The following KLHL42 variants were observed in gnomAD, a reference collection of about 807,000 sequenced individuals.
KLHL42 encodes kelch-like protein 42.
Under a neutral mutation model 32.7 loss-of-function variants are expected in KLHL42, and 27 were observed. The ratio of observed to expected loss-of-function variants is 0.83; its 90% CI spans 0.61 to 1.14. KLHL42 has a LOEUF of 1.14. KLHL42 is among the 50% of genes most tolerant of loss of function. KLHL42 has a pLI of 0.00. For missense variants in KLHL42, 491 were observed against 560.8 expected (o/e 0.88, Z 1.26); for synonymous variants, 267 against 248.2 (o/e 1.08, Z -0.71).
intron 1 of KLHL42, 90 bp from the exon 2 acceptor site, chr12:27,791,618 T>C: frequency 8.9e-7 from 1 of 1,124,832 alleles, no homozygotes; most frequent in Non-Finnish European, 1.3e-6. Context: ...TTTCTTCAGA[T>C]GTTCAGGAGA....
At chr12:27,792,336 A>C (rs765089949) in intron 2 of KLHL42, among the ~76,000 whole-genome samples, 1 of 152,012 alleles carries the variant, frequency 6.6e-6, no homozygotes, top group Non-Finnish European at 1.5e-5. Context: ...GGAATTTAGT[A>C]CCAGAGCATC....
intron 2 of KLHL42, among the ~76,000 whole-genome samples, chr12:27,796,801 A>T (rs1209897673): frequency 6.6e-6 from 1 of 151,892 alleles, no homozygotes; most frequent in African/African-American, 2.4e-5. Flanking sequence ...ATGCCTGGCT[A>T]ATTTTTTATT....
At position 27,791,884 on chromosome 12, in the gene KLHL42, G is replaced by T; in HGVS notation, c.1049G>T (p.Gly350Val). 1 of 1,614,054 alleles carries T rather than the reference G, an allele frequency of 6.2e-7. No individual in the cohort carries two copies. Among genetic ancestry groups the T allele is most frequent in the Non-Finnish European group, 8.5e-7 (1 of 1,180,012 alleles). The change falls in exon 2 of 3, where the codon GGA (glycine) becomes GTA (valine). Residue 350 changes from glycine to valine, a missense_variant. Gly to Val is a moderately radical substitution (Grantham distance 109, BLOSUM62 -3). Around this residue, in one of 4 missense-constraint regions of KLHL42, gnomAD observed 152 missense variants for 125.9 expected, o/e 1.21. Transcript: ENST00000381271. ...TGTAAGGGAAAAATTTATGTCATTGGAGGATACACTACCAGAGGTAAGTGA... is the reference window on the plus strand; with the variant it reads ...TGTAAGGGAAAAATTTATGTCATTGTAGGATACACTACCAGAGGTAAGTGA... The part of the protein sequence containing the change: ...CECKGKIYVI[G>V]GYTTRDRNMN...
Position 27,799,007 on chromosome 12 carries a change from ACAC to A in KLHL42, c.*844_*846del, listed in dbSNP as rs2062232204. The A allele has an allele frequency of 6.6e-6, 1 of 152,596 alleles. No homozygotes were observed. Among genetic ancestry groups the A allele is most frequent in the African/African-American group, 2.4e-5 (1 of 41,426 alleles). The allele number at this position is 152,596 out of a possible 1,614,324, so 9.5% of individuals were successfully genotyped here. On this transcript the variant is annotated 3_prime_UTR_variant, in exon 3 of 3. Transcript: ENST00000381271. ...TAAATTTAAATGGGAAGGGAAGAAA[ACAC>A]CAAATAAGAAAAAAATTTGCCTTTA...
At chr12:27,784,212 G>T (rs4420310) in intron 1 of KLHL42, among the ~76,000 whole-genome samples, 2 of 147,472 alleles carry the variant, frequency 1.4e-5, no homozygotes, top group South Asian at 2.2e-4. Context: ...TCGGCTCACT[G>T]CAAGCTCCGC....
intron 2 of KLHL42, among the ~76,000 whole-genome samples, chr12:27,792,453 G>A (rs1030887581): frequency 1.3e-5 from 2 of 152,220 alleles, no homozygotes; most frequent in Non-Finnish European, 2.9e-5. Flanking sequence ...GGAGGAGCAA[G>A]GACATGAATA....
intron 2 of KLHL42, chr12:27,797,262 C>T (rs1487692284): frequency 2.2e-6 from 1 of 456,810 alleles, no homozygotes; most frequent in Non-Finnish European, 4.4e-6. Flanking sequence ...CTCTGGAGAT[C>T]CTGTGTTGCT....
intron 1 of KLHL42, among the ~76,000 whole-genome samples, chr12:27,787,311 G>A (rs1357129793): frequency 2.6e-5 from 4 of 151,648 alleles, no homozygotes; most frequent in Admixed American, 6.6e-5. Context: ...CCTGGCCAAC[G>A]TGGTGAAACC....
rs1257802853 is a variant in KLHL42 at position 27,801,517 on chromosome 12, T to C, written c.*3351T>C. ...TCACTCAAGAGGCAGCATAGCAATG[T>C]AAAAGGAATATAAGTAGGTGTTGGA... On this transcript the variant is annotated 3_prime_UTR_variant, in exon 3 of 3. Coordinates refer to ENST00000381271, the MANE Select transcript of KLHL42 (RefSeq NM_020782.2). 3 of 152,200 alleles carry C rather than the reference T, an allele frequency of 2.0e-5. No individual in the cohort carries two copies. The highest frequency in any genetic ancestry group is 4.4e-5 in the Non-Finnish European group (3 of 68,040). The allele number at this position is 152,200 out of a possible 1,614,324, so 9.4% of individuals were successfully genotyped here.
chr12:27,789,100 G>A (rs530990401), intron 1 of KLHL42, among the ~76,000 whole-genome samples: 25 of 152,258 alleles, frequency 1.6e-4, no homozygotes, highest in Non-Finnish European at 2.1e-4. Flanking sequence ...AGAAACCAAC[G>A]CTCCCAAGGT....
At chr12:27,783,049 G>C (rs2062155812) in intron 1 of KLHL42, among the ~76,000 whole-genome samples, 1 of 152,228 alleles carries the variant, frequency 6.6e-6, no homozygotes, top group Admixed American at 6.5e-5. Context: ...TATAACTTTT[G>C]ACTCTCCCAA....
Position 27,780,299 on chromosome 12 carries a change from C to CG in KLHL42, c.-30dup. ...CTGGGAGGCCGGCGCGCAGATCTGGCGGTGAGCGCTGCCGCCCCGGGGCCC... is the reference window on the plus strand; with the variant it reads ...CTGGGAGGCCGGCGCGCAGATCTGGCGGGTGAGCGCTGCCGCCCCGGGGCCC... On this transcript the variant is annotated 5_prime_UTR_variant, in exon 1 of 3. Coordinates refer to ENST00000381271, the MANE Select transcript of KLHL42 (RefSeq NM_020782.2). The surrounding 1 kb of genome is among the most constrained non-coding windows in gnomAD (Gnocchi z 8.8). 3 of 1,525,620 alleles carry CG rather than the reference C, an allele frequency of 2.0e-6. No individual in the cohort carries two copies. The highest frequency in any genetic ancestry group is 2.6e-6 in the Non-Finnish European group (3 of 1,140,278). The allele number at this position is 1,525,620 out of a possible 1,614,324, so 94.5% of individuals were successfully genotyped here.
Position 27,780,508 on chromosome 12 carries a change from C to T in KLHL42, c.178C>T (p.Pro60Ser). 6.5e-7 allele frequency: 1 copy of T among 1,540,944 alleles called. No homozygotes were observed. Among genetic ancestry groups the T allele is most frequent in the Non-Finnish European group, 8.7e-7 (1 of 1,145,906 alleles). ...GCAGCAGCTGCGCGGCCTCAGCGCG[C>T]CGGGCCTGCGGCTGGTGCTGGACTT... ...EVQQLRGLSA[P>S]GLRLVLDFIN... is the part of the protein sequence containing the mutation. Residue 60 changes from proline (P) to serine (S), a missense_variant, in exon 1 of 3, where the codon CCG (proline) becomes TCG (serine). Physicochemically the swap from Pro to Ser is moderately conservative, Grantham distance 74 (BLOSUM62 -1). Around this residue, in one of 4 missense-constraint regions of KLHL42, gnomAD observed 88 missense variants for 89.0 expected, o/e 0.99. Coordinates refer to ENST00000381271, the MANE Select transcript of KLHL42 (RefSeq NM_020782.2). The surrounding 1 kb of genome is among the most constrained non-coding windows in gnomAD (Gnocchi z 8.8).
intron 1 of KLHL42, 117 bp downstream of exon 1, chr12:27,781,319 A>T: frequency 8.2e-7 from 1 of 1,217,046 alleles, no homozygotes; most frequent in Non-Finnish European, 1.1e-6. Context: ...TGGAAATGAC[A>T]TCTTCAGGAA....
chr12:27,792,651 G>A (rs1384271421), intron 2 of KLHL42, among the ~76,000 whole-genome samples: 1 of 152,206 alleles, frequency 6.6e-6, no homozygotes, highest in East Asian at 1.9e-4. Context: ...AGCCCCCCAA[G>A]TAGCTGGGAT....
chr12:27,788,832 C>T (rs1235810639), intron 1 of KLHL42, among the ~76,000 whole-genome samples: 1 of 152,158 alleles, frequency 6.6e-6, no homozygotes, highest in Non-Finnish European at 1.5e-5. Flanking sequence ...AAGTATATAG[C>T]TATGATAGAT....
intron 1 of KLHL42, among the ~76,000 whole-genome samples, chr12:27,785,614 A>G (rs953251339): frequency 6.6e-6 from 1 of 151,814 alleles, no homozygotes; most frequent in Non-Finnish European, 1.5e-5. Context: ...TCCTTCCCGA[A>G]CTCTGGCTTG....
Position 27,800,353 on chromosome 12 carries a change from T to TGTGG in KLHL42, c.*2190_*2191insGGTG, listed in dbSNP as rs2062240535. ...TTGAGGTTGTGTGTGTGTGTGGGGG[T>TGTGG]GTGTGTGTGTGTGTGTGTGTATGTT... On this transcript the variant is annotated 3_prime_UTR_variant, in exon 3 of 3. Transcript: ENST00000381271. 8 of 960,696 alleles carry TGTGG rather than the reference T, an allele frequency of 8.3e-6. No individual in the cohort carries two copies. Among genetic ancestry groups the TGTGG allele is most frequent in the African/African-American group, 5.7e-5 (3 of 52,612 alleles). The allele number at this position is 960,696 out of a possible 1,614,324, so 59.5% of individuals were successfully genotyped here. A position where few individuals can be genotyped will look rare whatever the true frequency, so the allele number is the denominator to read the frequency against.
chr12:27,787,193 C>G (rs1440222757), intron 1 of KLHL42, among the ~76,000 whole-genome samples: 1 of 152,054 alleles, frequency 6.6e-6, no homozygotes, highest in African/African-American at 2.4e-5. Context: ...TAACTCTTCA[C>G]ACATAAAAGC....
Sources: allele counts gnomAD v4.1 joint callset (sites outside exome capture counted in the v4.1 genomes callset), GRCh38; gene constraint gnomAD v4.1.1; regional missense constraint gnomAD v4.1.1; non-coding constraint Gnocchi (gnomAD v3.1); transcripts MANE v1.5; gene names NCBI Gene and HGNC (gene_info 2026-07-23, HGNC 2026-07-21).